Variants in DLG2 observed in about 807,000 individuals in gnomAD.
DLG2 encodes the protein disks large homolog 2.
Under a neutral mutation model 132.5 loss-of-function variants are expected in DLG2, and 45 were observed. The ratio of observed to expected loss-of-function variants is 0.34; its 90% CI spans 0.27 to 0.44. DLG2 has a LOEUF of 0.44. Ranked by LOEUF, DLG2 falls within the 20% of genes least tolerant of loss-of-function variation. DLG2 has a pLI of 1.00. For synonymous variants in DLG2, 424 were observed against 419.6 expected (o/e 1.01, Z -0.13); for missense variants, 1,045 against 1,196.9 (o/e 0.87, Z 1.87).
At chr11:84,342,860 C>A (rs2098521810) in intron 7 of DLG2, among the ~76,000 whole-genome samples, 1 of 152,016 alleles carries the variant, frequency 6.6e-6, no homozygotes, top group Non-Finnish European at 1.5e-5. Flanking sequence ...ATAATAAAGC[C>A]ACACAAAAAG....
chr11:85,423,784 C>A (rs1313915361), intron 3 of DLG2, among the ~76,000 whole-genome samples: 1 of 152,180 alleles, frequency 6.6e-6, no homozygotes, highest in Non-Finnish European at 1.5e-5. Context: ...ACCATGCCCC[C>A]ACCAACAGAA....
chr11:84,163,781 A>C (rs2095600627), intron 8 of DLG2, among the ~76,000 whole-genome samples: 3 of 152,186 alleles, frequency 2.0e-5, no homozygotes, highest in Admixed American at 2.0e-4. Flanking sequence ...TAATAACACA[A>C]AATACATATT....
intron 18 of DLG2, among the ~76,000 whole-genome samples, chr11:83,710,782 G>A (rs12272853): frequency 0.05 from 7,559 of 152,144 alleles, 643 homozygotes; most frequent in African/African-American, 0.17. Context: ...TATTTTTCTA[G>A]TAGCGAGAAG....
rs144043798 is a variant in DLG2, at chr11:83,682,293, C to G, written c.1826-48968G>C. 34 of 985,414 alleles carry G rather than the reference C, an allele frequency of 3.5e-5. No individual in the cohort carries two copies. The East Asian group carries it at 3.7e-3, about 109-fold the overall frequency. 61.0% of individuals were successfully genotyped at this position (985,414 alleles called of 1,614,324 possible). A position where few individuals can be genotyped will look rare whatever the true frequency, so the allele number is the denominator to read the frequency against. On this transcript the variant is annotated intron_variant, in intron 18 of 27. Transcript: ENST00000376104. ...CTTTATAACTAAGACTCTGACAGAACTCACTAGCGGAACCTGATGAATTAT... is the reference window on the plus strand; with the variant it reads ...CTTTATAACTAAGACTCTGACAGAAGTCACTAGCGGAACCTGATGAATTAT...
chr11:84,415,618 G>A (rs1375889844), intron 7 of DLG2, among the ~76,000 whole-genome samples: 1 of 152,154 alleles, frequency 6.6e-6, no homozygotes, highest in Non-Finnish European at 1.5e-5. Context: ...TGATTCCAAA[G>A]TGGAGATTTG....
At chr11:83,887,160 G>A (rs554315628) in intron 15 of DLG2, among the ~76,000 whole-genome samples, 1 of 152,138 alleles carries the variant, frequency 6.6e-6, no homozygotes, top group Non-Finnish European at 1.5e-5. Flanking sequence ...GAATCCAGGA[G>A]TTGGTTTTTT....
At chr11:85,105,995 A>T (rs199748799) in intron 6 of DLG2, among the ~76,000 whole-genome samples, 1 of 16,378 alleles carries the variant, frequency 6.1e-5, no homozygotes, top group Non-Finnish European at 9.9e-5. Flanking sequence ...CCAAAAAAAG[A>T]AAAAAAAAAA....
chr11:84,968,411 T>G lies in DLG2; in HGVS notation c.357+143250A>C, dbSNP rs191809761. Among the ~76,000 whole-genome samples the G allele has an allele frequency of 4.6e-5, 7 of 152,232 alleles. No individual in the cohort carries two copies. The East Asian group carries it at 1.4e-3, about 29-fold the overall frequency. The stretch of plus-strand genomic sequence containing the variant: ...GTCAGATGCTCCCTTGAGTGCCTAA[T>G]GAAAGCTGTGAACTCTTGCAAGGTC... On this transcript the variant is annotated intron_variant, in intron 6 of 27. Transcript: ENST00000376104.
intron 7 of DLG2, among the ~76,000 whole-genome samples, chr11:84,272,884 A>G (rs2097745059): frequency 6.6e-6 from 1 of 152,160 alleles, no homozygotes; most frequent in Non-Finnish European, 1.5e-5. Context: ...TCTTTAGTAC[A>G]TGCCACTATT....
intron 8 of DLG2, among the ~76,000 whole-genome samples, chr11:84,237,666 T>C (rs1267709945): frequency 1.3e-5 from 2 of 152,190 alleles, no homozygotes; most frequent in East Asian, 1.9e-4. Flanking sequence ...CAGCTCTTCG[T>C]GTATTTAAAC....
chr11:84,833,311 C>T (rs527970152), intron 6 of DLG2, among the ~76,000 whole-genome samples: 28 of 151,686 alleles, frequency 1.8e-4, no homozygotes, highest in Non-Finnish European at 3.7e-4. Context: ...ACCAGTTCAA[C>T]GTCTCTCAGA....
chr11:84,738,408 A>G (rs1397722810), intron 6 of DLG2, among the ~76,000 whole-genome samples: 1 of 152,128 alleles, frequency 6.6e-6, no homozygotes, highest in Non-Finnish European at 1.5e-5. Flanking sequence ...TATTGCAAAG[A>G]AAAAAGAAAT....
At chr11:83,930,254 G>A in intron 15 of DLG2, 74 bp downstream of exon 15, 2 of 1,532,610 alleles carry the variant, frequency 1.3e-6, no homozygotes, top group Non-Finnish European at 1.8e-6. Flanking sequence ...GTGAGCAGAG[G>A]CGGATTCTAC....
intron 3 of DLG2, among the ~76,000 whole-genome samples, chr11:85,573,326 C>T (rs1565703080): frequency 6.6e-6 from 1 of 152,162 alleles, no homozygotes; most frequent in African/African-American, 2.4e-5. Flanking sequence ...CCTATTTTTA[C>T]AAGCAAACTT....
At position 83,786,755 on chromosome 11, in the gene DLG2, T is replaced by C; in HGVS notation, c.1760A>G (p.Gln587Arg). 6.2e-7 allele frequency: 1 copy of C among 1,614,156 alleles called. No homozygotes were observed. Among genetic ancestry groups the C allele is most frequent in the African/African-American group, 1.3e-5 (1 of 75,054 alleles). The change falls in exon 18 of 28, where the codon CAG becomes CGG. Residue 587 changes from glutamine (Q) to arginine (R), a missense_variant. Gln to Arg is a conservative substitution (Grantham distance 43). Transcript: ENST00000376104. The part of the protein sequence containing the change: ...GIDLRGASHE[Q>R]AAAALKGAGQ... ...AGCCCCCTTTAGTGCAGCAGCTGCC[T>C]GCTCGTGGGATGCACCACGGAGGTC... is the stretch of plus-strand genomic sequence containing the variant.
intron 15 of DLG2, among the ~76,000 whole-genome samples, chr11:83,885,356 GATGAAATGA>G (rs1398607469): frequency 6.6e-6 from 1 of 152,194 alleles, no homozygotes; most frequent in Non-Finnish European, 1.5e-5. Flanking sequence ...AGTGATGGAA[GATGAAATGA>G]ATGAAATGAA....
At chr11:85,138,490 T>C (rs2076261404) in intron 5 of DLG2, among the ~76,000 whole-genome samples, 1 of 152,150 alleles carries the variant, frequency 6.6e-6, no homozygotes, top group Admixed American at 6.6e-5. Context: ...TCAATATAAA[T>C]AACCTCAGCA....
At chr11:85,622,720 A>T (rs1018264626) in intron 2 of DLG2, among the ~76,000 whole-genome samples, 1 of 152,134 alleles carries the variant, frequency 6.6e-6, no homozygotes, top group Non-Finnish European at 1.5e-5. Flanking sequence ...GGAAACTGTA[A>T]TCTCAGTTTC....
At chr11:84,697,782 T>G (rs1371672216) in intron 6 of DLG2, among the ~76,000 whole-genome samples, 1 of 151,480 alleles carries the variant, frequency 6.6e-6, no homozygotes, top group Non-Finnish European at 1.5e-5. Flanking sequence ...ATTGACAGGT[T>G]TTCACAGTTT....
Sources: allele counts gnomAD v4.1 joint callset (sites outside exome capture counted in the v4.1 genomes callset), GRCh38; gene constraint gnomAD v4.1.1; transcripts MANE v1.5; gene names NCBI Gene and HGNC (gene_info 2026-07-23, HGNC 2026-07-21).